The following SIAE variants were observed in gnomAD, a reference collection of about 807,000 sequenced individuals.
SIAE encodes sialic acid acetylesterase.
In SIAE, 39 loss-of-function variants were observed where a neutral mutation model predicts 52.6. The ratio of observed to expected loss-of-function variants is 0.74; its 90% CI spans 0.57 to 0.97. SIAE has a LOEUF of 0.97. SIAE is among the 50% of genes least tolerant of loss of function. SIAE has a pLI of 0.00. For synonymous variants in SIAE, 233 were observed against 241.4 expected (o/e 0.97, Z 0.32); for missense variants, 592 against 662.1 (o/e 0.89, Z 1.16).
In SIAE at chr11:124,654,817, T is replaced by C. The variant is rs761649213; in HGVS notation, c.406-24A>G. Reference sequence around the variant, plus strand: ...ATCTGGAAAAGAAATTGAAACGTCATTTAACCTAGCAGGTGGTGAACTAGC... The same window carrying C: ...ATCTGGAAAAGAAATTGAAACGTCACTTAACCTAGCAGGTGGTGAACTAGC... On this transcript the variant is annotated intron_variant, in intron 3 of 9. Coordinates refer to ENST00000263593, the MANE Select transcript of SIAE (RefSeq NM_170601.5). 44 of 1,612,252 alleles carry C rather than the reference T, an allele frequency of 2.7e-5. No individual in the cohort carries two copies. In the South Asian group the frequency reaches 4.7e-4, roughly 17 times the overall value.
Position 124,665,695 on chromosome 11 carries a change from T to C in SIAE, c.229+3665A>G, listed in dbSNP as rs139878203. Among the ~76,000 whole-genome samples, 1,121 of 152,270 alleles carry C rather than the reference T, an allele frequency of 7.4e-3. 10 individuals are homozygous for C. Among genetic ancestry groups the C allele is most frequent in the African/African-American group, 0.025 (1,049 of 41,548 alleles). ...TTAGCCAGGCATGGTGGCGGGTGCC[T>C]GTAACCTCAGCTACTCAGGAGGCTG... On this transcript the variant is annotated intron_variant, in intron 2 of 9. Coordinates refer to ENST00000263593, the MANE Select transcript of SIAE (RefSeq NM_170601.5).
chr11:124,673,778 G>A (rs1565421006), upstream of SIAE: 13 of 1,549,362 alleles, frequency 8.4e-6, no homozygotes, highest in African/African-American at 1.4e-5. Context: ...GCCTGGGCGG[G>A]GGCGAGGCCG....
At chr11:124,666,555 C>A (rs1160943767) in intron 2 of SIAE, among the ~76,000 whole-genome samples, 1 of 152,232 alleles carries the variant, frequency 6.6e-6, no homozygotes, top group Non-Finnish European at 1.5e-5. Flanking sequence ...GTCCCCACCA[C>A]CACCAATAAC....
intron 4 of SIAE, chr11:124,654,346 A>T (rs1943062431): frequency 1.0e-6 from 1 of 985,290 alleles, no homozygotes. Flanking sequence ...AAGGGAAGAA[A>T]GAAGAGAGGA....
At chr11:124,675,303 A>T, upstream of SIAE, 4 of 1,614,168 alleles carry the variant, frequency 2.5e-6, no homozygotes, top group Non-Finnish European at 2.5e-6. Context: ...ACCGAATTCC[A>T]CAAGGATTTG....
intron 4 of SIAE, among the ~76,000 whole-genome samples, chr11:124,653,070 C>T (rs1943040142): frequency 6.6e-6 from 1 of 152,140 alleles, no homozygotes; most frequent in Admixed American, 6.6e-5. Flanking sequence ...AGGATTCATC[C>T]AAAAATTTAC....
chr11:124,673,782 G>C, upstream of SIAE: 1 of 1,534,692 alleles, frequency 6.5e-7, no homozygotes, highest in Non-Finnish European at 8.9e-7. Context: ...GGGCGGGGGC[G>C]AGGCCGACTC....
At chr11:124,674,359 GAA>G, upstream of SIAE, 1 of 150,510 alleles carries the variant, frequency 6.6e-6, no homozygotes, top group Non-Finnish European at 1.5e-5. Context: ...CCCTCTCAAA[GAA>G]AAAAAAAGCG....
intron 5 of SIAE, among the ~76,000 whole-genome samples, 186 bp downstream of exon 5, chr11:124,649,433 G>A (rs536474122): frequency 3.3e-5 from 5 of 151,890 alleles, no homozygotes; most frequent in Non-Finnish European, 7.4e-5. Flanking sequence ...TTTTTTACAT[G>A]TTCTCAAACG....
At position 124,654,667 on chromosome 11, in the gene SIAE, TA is replaced by T; in HGVS notation, c.531del (p.Lys178SerfsTer7). The T allele has an allele frequency of 6.2e-7, 1 of 1,614,152 alleles. No individual in the cohort carries two copies. ...AGCCGTCACATACCTGAGGTGGGCT[TA>T]GACCACTGCAAGTCAACCGCAACAA... is the stretch of plus-strand genomic sequence containing the variant. ...EDLVAVDLQW[S>X]KPTSENLGHG... On this transcript the variant is annotated frameshift_variant, in exon 4 of 10. Coordinates refer to ENST00000263593, the MANE Select transcript of SIAE (RefSeq NM_170601.5). LOFTEE classifies it high-confidence loss of function.
chr11:124,667,428 A>G (rs1477719280), intron 2 of SIAE, among the ~76,000 whole-genome samples: 1 of 152,232 alleles, frequency 6.6e-6, no homozygotes, highest in Non-Finnish European at 1.5e-5. Context: ...AGAAGCACTT[A>G]CCTTACATCA....
intron 6 of SIAE, 78 bp downstream of exon 6, chr11:124,647,988 G>A (rs112301168): frequency 2.7e-6 from 3 of 1,097,500 alleles, no homozygotes; most frequent in African/African-American, 3.1e-5. Flanking sequence ...GTTGCTTTAA[G>A]CCACTACGTT....
rs574150030 is a variant in SIAE at position 124,647,304 on chromosome 11, C to T, written c.966+61G>A. 21 of 1,609,578 alleles carry T rather than the reference C, an allele frequency of 1.3e-5. No homozygotes were observed. In the East Asian group the frequency reaches 1.3e-4, roughly 10 times the overall value. Reference sequence around the variant, plus strand: ...TCCCCACACCAATGCCCATAAACCTCTTCCTCTCAACACAGGAACAGGTGT... The same window carrying T: ...TCCCCACACCAATGCCCATAAACCTTTTCCTCTCAACACAGGAACAGGTGT... On this transcript the variant is annotated intron_variant, in intron 7 of 9. Transcript: ENST00000263593.
At chr11:124,664,955 A>T (rs1233292155) in intron 2 of SIAE, among the ~76,000 whole-genome samples, 2 of 133,774 alleles carry the variant, frequency 1.5e-5, no homozygotes, top group East Asian at 4.9e-4. Flanking sequence ...ACTGGCTTGG[A>T]AGTCAAGAAG....
In SIAE at chr11:124,670,462, A is replaced by G. The variant is rs1379067373; in HGVS notation, c.68-941T>C. 6.6e-6 allele frequency among the ~76,000 whole-genome samples: 1 copy of G among 152,216 alleles called. No homozygotes were observed. The highest frequency in any genetic ancestry group is 1.5e-5 in the Non-Finnish European group (1 of 68,030). ...GTTCCTCATCAAAACTTAACAAGGA[A>G]AAAAATAAAACAAATTATATCCCAA... On this transcript the variant is annotated intron_variant, in intron 1 of 9. Coordinates refer to ENST00000263593, the MANE Select transcript of SIAE (RefSeq NM_170601.5). The surrounding 1 kb of genome is among the most constrained non-coding windows in gnomAD (Gnocchi z 4.5).
Position 124,645,520 on chromosome 11 carries a change from C to T in SIAE, c.966+1845G>A, listed in dbSNP as rs914522436. ...TTCTCCATGTTGGTCAGGCTGGTCT[C>T]GAACTCCCGACCTCAGGTGATCCGC... On this transcript the variant is annotated intron_variant, in intron 7 of 9. Transcript: ENST00000263593. The surrounding 1 kb of genome is among the most constrained non-coding windows in gnomAD (Gnocchi z 4.7). Among the ~76,000 whole-genome samples the T allele has an allele frequency of 1.3e-5, 2 of 151,952 alleles. No homozygotes were observed. Among genetic ancestry groups the T allele is most frequent in the African/African-American group, 4.8e-5 (2 of 41,364 alleles).
upstream of SIAE, chr11:124,675,129 G>T: frequency 8.8e-7 from 1 of 1,140,226 alleles, no homozygotes; most frequent in Non-Finnish European, 1.2e-6. Flanking sequence ...AGGGAAAAAA[G>T]AATTCAAGTC....
At chr11:124,642,940 G>T (rs756872527) in intron 7 of SIAE, among the ~76,000 whole-genome samples, 1 of 151,988 alleles carries the variant, frequency 6.6e-6, no homozygotes, top group African/African-American at 2.4e-5. Context: ...GAATTCTGCC[G>T]ACAACCACAT....
At chr11:124,673,262 A>T (rs1943398422) in intron 1 of SIAE, among the ~76,000 whole-genome samples, 2 of 152,280 alleles carry the variant, frequency 1.3e-5, no homozygotes, top group South Asian at 4.2e-4. Flanking sequence ...GTTTTGGAAG[A>T]TTCAGTCACC....
Sources: gnomAD v4.1 joint callset for allele counts (sites outside exome capture counted in the v4.1 genomes callset) on GRCh38, gnomAD v4.1.1 for gene constraint, Gnocchi (gnomAD v3.1) non-coding constraint, MANE v1.5 for transcripts, NCBI Gene and HGNC (gene_info 2026-07-23, HGNC 2026-07-21) for gene names.